Variants in MAP3K2 observed in about 807,000 individuals in gnomAD.
MAP3K2 encodes the protein MAP/ERK kinase kinase 2.
In MAP3K2, 24 loss-of-function variants were observed where a neutral mutation model predicts 80.3. The observed-to-expected ratio is 0.30, with a 90% CI of 0.22 to 0.42. The LOEUF (loss-of-function observed/expected upper bound fraction) is 0.42, where lower values mean the gene tolerates loss of function less well. MAP3K2 is among the 10% of genes least tolerant of loss of function. The probability of loss-of-function intolerance (pLI) is 1.00; values close to 1 mark genes in which losing one functional copy is unlikely to be tolerated. For synonymous variants in MAP3K2, 244 were observed against 253.7 expected, an observed-to-expected ratio of 0.96 and a Z score of 0.36; for missense variants, 608 against 750.1, an observed-to-expected ratio of 0.81 and a Z score of 2.21.
intron 15 of MAP3K2, among the ~76,000 whole-genome samples, chr2:127,312,902 G>T (rs1178595694): frequency 2.0e-5 from 3 of 149,814 alleles, no homozygotes; most frequent in African/African-American, 7.4e-5. Context: ...GGGGGCGGAG[G>T]TTGTGGTGAG....
chr2:127,303,736 AAAAG>A lies in MAP3K2; in HGVS notation c.*3839_*3842del, dbSNP rs1265851769. 1 of 152,158 alleles carries A rather than the reference AAAAG, an allele frequency of 6.6e-6. No homozygotes were observed. The highest frequency in any genetic ancestry group is 2.4e-5 in the African/African-American group (1 of 41,456). The allele number at this position is 152,158 out of a possible 1,614,324, so 9.4% of individuals were successfully genotyped here. A position where few individuals can be genotyped will look rare whatever the true frequency, so the allele number is the denominator to read the frequency against. ...AAACAAAGAAGATTCATTCTATTAAAAAAGATAGATTTGTATATTTAATTGACAC... is the reference window on the plus strand; with the variant it reads ...AAACAAAGAAGATTCATTCTATTAAAATAGATTTGTATATTTAATTGACAC... On this transcript the variant is annotated 3_prime_UTR_variant, in exon 17 of 17. Coordinates refer to ENST00000682094, the MANE Select transcript of MAP3K2 (RefSeq NM_001371910.2).
rs944929911 is a variant in MAP3K2 at position 127,387,791 on chromosome 2, G to A, written c.-405C>T. The A allele has an allele frequency of 4.2e-4, 415 of 985,072 alleles. No individual in the cohort carries two copies. Among genetic ancestry groups the A allele is most frequent in the Non-Finnish European group, 4.8e-4 (400 of 829,802 alleles). 61.0% of individuals were successfully genotyped at this position (985,072 alleles called of 1,614,324 possible). A position where few individuals can be genotyped will look rare whatever the true frequency, so the allele number is the denominator to read the frequency against. ...AGGAAGCCGCGGGCCCGCGTCGCTA[G>A]AGACCGGAGAAGAGGCGGGAGTGGC... On this transcript the variant is annotated 5_prime_UTR_variant, in exon 1 of 17. Coordinates refer to ENST00000682094, the MANE Select transcript of MAP3K2 (RefSeq NM_001371910.2).
intron 15 of MAP3K2, among the ~76,000 whole-genome samples, chr2:127,313,834 CAT>C (rs1685852396): frequency 6.6e-6 from 1 of 152,106 alleles, no homozygotes; most frequent in African/African-American, 2.4e-5. Context: ...TTATGTGGCA[CAT>C]GACTGTTTAT....
At chr2:127,331,557 G>C (rs995919998) in intron 5 of MAP3K2, among the ~76,000 whole-genome samples, 2 of 152,176 alleles carry the variant, frequency 1.3e-5, no homozygotes, top group Non-Finnish European at 2.9e-5. Context: ...AAACCCACTA[G>C]CTGGCATGGT....
At position 127,298,982 on chromosome 2, in the gene MAP3K2, A is replaced by C. The variant is rs1262787084; in HGVS notation, c.*8597T>G. 1 of 152,200 alleles carries C rather than the reference A, an allele frequency of 6.6e-6. No individual in the cohort carries two copies. Among genetic ancestry groups the C allele is most frequent in the Non-Finnish European group, 1.5e-5 (1 of 68,028 alleles). The allele number at this position is 152,200 out of a possible 1,614,324, so 9.4% of individuals were successfully genotyped here. ...AAAAAGCTATTTACCAGCAAGAAAA[A>C]ACAAGTACCTAGAAATTATAAAACT... On this transcript the variant is annotated 3_prime_UTR_variant, in exon 17 of 17. Transcript: ENST00000682094.
In MAP3K2 at chr2:127,343,106, T is replaced by A. The variant is rs1271031239; in HGVS notation, c.4+20A>T. ...CTATCCTTTAATTATTGCTGAAAAA[T>A]GCTTTTAGTTTGAACTCACCCATTA... On this transcript the variant is annotated intron_variant, in intron 2 of 16. Transcript: ENST00000682094. The A allele has an allele frequency of 2.6e-6, 4 of 1,548,648 alleles. No homozygotes were observed. In the South Asian group the frequency reaches 4.8e-5, roughly 19 times the overall value.
intron 1 of MAP3K2, among the ~76,000 whole-genome samples, chr2:127,371,169 C>T (rs1270034443): frequency 6.6e-6 from 1 of 152,232 alleles, no homozygotes; most frequent in Non-Finnish European, 1.5e-5. Context: ...CGTATGACCC[C>T]ATGGGACTGG....
In MAP3K2 at chr2:127,364,650, A is replaced by G. The variant is rs1686941598; in HGVS notation, c.-65-21456T>C. Among the ~76,000 whole-genome samples the G allele has an allele frequency of 6.6e-6, 1 of 152,242 alleles. No individual in the cohort carries two copies. The highest frequency in any genetic ancestry group is 2.4e-5 in the African/African-American group (1 of 41,536). On this transcript the variant is annotated intron_variant, in intron 1 of 16. Transcript: ENST00000682094. The surrounding 1 kb of genome is among the most constrained non-coding windows in gnomAD (Gnocchi z 4.1). ...ATATTACCTCATAGAACAGCTTCCT[A>G]ACTATTCCATATTTTTACATGTGCT...
intron 9 of MAP3K2, among the ~76,000 whole-genome samples, 185 bp downstream of exon 9, chr2:127,325,543 G>A (rs1686116193): frequency 6.6e-6 from 1 of 152,124 alleles, no homozygotes; most frequent in East Asian, 1.9e-4. Flanking sequence ...ATAGCCAGAT[G>A]TGGTATTAAT....
chr2:127,362,316 G>A (rs1686905961), intron 1 of MAP3K2, among the ~76,000 whole-genome samples: 1 of 152,188 alleles, frequency 6.6e-6, no homozygotes, highest in Non-Finnish European at 1.5e-5. Context: ...TCTCAAGATT[G>A]CTATGGAAGT....
rs1238466339 is a variant in MAP3K2, at chr2:127,307,345, T to C, written c.*234A>G. ...CTCTCTGAACCACATCAGTACATTATAAAAATTAAAAAAAAAAACTTCAAG... is the reference window on the plus strand; with the variant it reads ...CTCTCTGAACCACATCAGTACATTACAAAAATTAAAAAAAAAAACTTCAAG... On this transcript the variant is annotated 3_prime_UTR_variant, in exon 17 of 17. Coordinates refer to ENST00000682094, the MANE Select transcript of MAP3K2 (RefSeq NM_001371910.2). This position sits in a 1 kb window ranked among gnomAD's most constrained non-coding sequence, Gnocchi z 5.4. 7.0e-6 allele frequency: 2 copies of C among 283,836 alleles called. No homozygotes were observed. The highest frequency in any genetic ancestry group is 1.3e-5 in the Non-Finnish European group (2 of 155,016). 17.6% of individuals were successfully genotyped at this position (283,836 alleles called of 1,614,324 possible).
intron 1 of MAP3K2, among the ~76,000 whole-genome samples, chr2:127,355,588 A>G (rs1686782932): frequency 6.6e-6 from 1 of 152,192 alleles, no homozygotes. Flanking sequence ...TCAGAGTTGT[A>G]ATCTTTCTGC....
chr2:127,371,573 C>T (rs966474548), intron 1 of MAP3K2, among the ~76,000 whole-genome samples: 13 of 152,138 alleles, frequency 8.5e-5, no homozygotes, highest in Admixed American at 3.3e-4. Context: ...TAATGTGGAT[C>T]GCCAACAAGC....
chr2:127,360,316 A>G (rs1487038380), intron 1 of MAP3K2, among the ~76,000 whole-genome samples: 1 of 152,136 alleles, frequency 6.6e-6, no homozygotes, highest in Non-Finnish European at 1.5e-5. Context: ...ATTTATACAC[A>G]ATTCTAGAAA....
intron 16 of MAP3K2, 76 bp downstream of exon 16, chr2:127,308,509 G>A (rs1293564032): frequency 1.6e-6 from 2 of 1,283,306 alleles, no homozygotes; most frequent in African/African-American, 3.0e-5. Flanking sequence ...ATTTACATCT[G>A]CCTCAGTAAT....
At position 127,304,931 on chromosome 2, in the gene MAP3K2, T is replaced by C. The variant is rs1267843300; in HGVS notation, c.*2648A>G. 1 of 152,538 alleles carries C rather than the reference T, an allele frequency of 6.6e-6. No homozygotes were observed. The highest frequency in any genetic ancestry group is 1.5e-5 in the Non-Finnish European group (1 of 67,996). The allele number at this position is 152,538 out of a possible 1,614,324, so 9.4% of individuals were successfully genotyped here. On this transcript the variant is annotated 3_prime_UTR_variant, in exon 17 of 17. Coordinates refer to ENST00000682094, the MANE Select transcript of MAP3K2 (RefSeq NM_001371910.2). The stretch of plus-strand genomic sequence containing the variant: ...AATAACTCTGTAAACTATTAGTCTA[T>C]TTTTAAGTCTTTACATAAAGAACAT...
intron 1 of MAP3K2, among the ~76,000 whole-genome samples, chr2:127,347,982 A>C (rs940531844): frequency 8.5e-5 from 13 of 152,194 alleles, no homozygotes; most frequent in African/African-American, 3.1e-4. Flanking sequence ...GAGAACTGAA[A>C]GCACACAACC....
intron 1 of MAP3K2, among the ~76,000 whole-genome samples, chr2:127,353,610 AG>A (rs1686741945): frequency 6.7e-6 from 1 of 148,528 alleles, no homozygotes; most frequent in Non-Finnish European, 1.5e-5. Flanking sequence ...CCCGTCCGGG[AG>A]GGAGGTGGGG....
chr2:127,305,514 G>C lies in MAP3K2; in HGVS notation c.*2065C>G, dbSNP rs1685679516. ...TACAGGGAATGCTAGGTAGGACCTT[G>C]GCACAGTAAACCAAGATCTACCTAA... On this transcript the variant is annotated 3_prime_UTR_variant, in exon 17 of 17. Coordinates refer to ENST00000682094, the MANE Select transcript of MAP3K2 (RefSeq NM_001371910.2). 6.6e-6 allele frequency: 1 copy of C among 151,964 alleles called. No individual in the cohort carries two copies. The highest frequency in any genetic ancestry group is 2.1e-4 in the South Asian group (1 of 4,822). 9.4% of individuals were successfully genotyped at this position (151,964 alleles called of 1,614,324 possible).
Sources: allele counts gnomAD v4.1 joint callset (sites outside exome capture counted in the v4.1 genomes callset), GRCh38; gene constraint gnomAD v4.1.1; non-coding constraint Gnocchi (gnomAD v3.1); transcripts MANE v1.5; gene names NCBI Gene and HGNC (gene_info 2026-07-23, HGNC 2026-07-21).